SAMD4B: variants seen among roughly 807,000 people sequenced by gnomAD.
The protein encoded by SAMD4B is protein Smaug homolog 2.
In SAMD4B, 5 loss-of-function variants were observed where a neutral mutation model predicts 74.5. The observed-to-expected ratio is 0.07, with a 90% CI of 0.04 to 0.14. The LOEUF (loss-of-function observed/expected upper bound fraction) is 0.14. Ranked by LOEUF, SAMD4B falls within the 10% of genes least tolerant of loss-of-function variation. The probability of loss-of-function intolerance (pLI) is 1.00; values close to 1 mark genes in which losing one functional copy is unlikely to be tolerated. For missense variants in SAMD4B, 608 were observed against 921.8 expected (o/e 0.66, Z 4.41); for synonymous variants, 373 against 374.9 (o/e 1.00, Z 0.06).
intron 3 of SAMD4B, among the ~76,000 whole-genome samples, chr19:39,368,673 A>T (rs1412451281): frequency 1.3e-5 from 2 of 152,208 alleles, no homozygotes; most frequent in Non-Finnish European, 2.9e-5. Context: ...TATGGGATCG[A>T]TTGGAAGGGG....
rs540411036 is a variant in SAMD4B at position 39,353,688 on chromosome 19, A to G, written c.-266-318A>G. On this transcript the variant is annotated intron_variant, in intron 1 of 13. Coordinates refer to ENST00000610417, the MANE Select transcript of SAMD4B (RefSeq NM_001384574.2). ...ATAATCTCGGCTCACTGCAGCCTCC[A>G]CCTCCCGGGTTCAAGCGTTTCTCCT... is the stretch of plus-strand genomic sequence containing the variant. 1.3e-3 allele frequency among the ~76,000 whole-genome samples: 199 copies of G among 151,950 alleles called. 1 individual carries two copies. Among genetic ancestry groups the G allele is most frequent in the African/African-American group, 4.6e-3 (191 of 41,414 alleles).
downstream of SAMD4B, chr19:39,389,641 A>G: frequency 6.2e-7 from 1 of 1,614,106 alleles, no homozygotes; most frequent in Non-Finnish European, 8.5e-7. This position sits in a 1 kb window ranked among gnomAD's most constrained non-coding sequence, Gnocchi z 5.3. Context: ...CCCACACACC[A>G]TTGGGGTCGA....
intron 1 of SAMD4B, chr19:39,351,510 A>G (rs570112896): frequency 6.6e-6 from 1 of 152,302 alleles, no homozygotes; most frequent in Non-Finnish European, 1.5e-5. Context: ...TTGCATGGGA[A>G]TTGTCAAGGC....
chr19:39,352,702 C>T (rs1246310618), intron 1 of SAMD4B, among the ~76,000 whole-genome samples: 1 of 150,184 alleles, frequency 6.7e-6, no homozygotes, highest in Non-Finnish European at 1.5e-5. Flanking sequence ...TTGCTTCTAT[C>T]GTTTGGCCTG....
At chr19:39,344,670 C>G (rs1401831754) in intron 1 of SAMD4B, among the ~76,000 whole-genome samples, 1 of 152,128 alleles carries the variant, frequency 6.6e-6, no homozygotes, top group Non-Finnish European at 1.5e-5. Context: ...CTCAGGGGGC[C>G]CCCTTTTCCC....
Position 39,369,941 on chromosome 19 carries a change from G to A in SAMD4B, c.483G>A (p.Arg161=). ...GGTTGGCTAGTGGCTTCCGCTCCCG[G>A]CCAGAGCCCTCCTACCATTCACGTC... ...EERLASGFRS[R]PEPSYHSRQG... Residue 161 remains arginine, a synonymous_variant, in exon 4 of 14, where the codon CGG becomes CGA. Coordinates refer to ENST00000610417, the MANE Select transcript of SAMD4B (RefSeq NM_001384574.2). The A allele has an allele frequency of 6.2e-7, 1 of 1,613,856 alleles. No homozygotes were observed. Among genetic ancestry groups the A allele is most frequent in the Non-Finnish European group, 8.5e-7 (1 of 1,179,924 alleles).
At chr19:39,347,799 A>G (rs1338424965) in intron 1 of SAMD4B, among the ~76,000 whole-genome samples, 1 of 152,242 alleles carries the variant, frequency 6.6e-6, no homozygotes, top group East Asian at 1.9e-4. Context: ...TGTATGGAGT[A>G]TGCAAGTCTC....
At chr19:39,387,839 C>T (rs947283103), downstream of SAMD4B, among the ~76,000 whole-genome samples, 4 of 152,168 alleles carry the variant, frequency 2.6e-5, no homozygotes, top group Admixed American at 6.5e-5. Flanking sequence ...TAAATGTCTC[C>T]TGCATTAAGA....
At position 39,383,788 on chromosome 19, in the gene SAMD4B, G is replaced by C. The variant is rs1042067335; in HGVS notation, c.*261G>C. On this transcript the variant is annotated 3_prime_UTR_variant, in exon 14 of 14. Transcript: ENST00000610417. The surrounding 1 kb of genome is among the most constrained non-coding windows in gnomAD (Gnocchi z 4.1). ...GGGGCAGGGACTGGCCAGACTGCCTGCCTCTCTCCTTTCCTTCCTCATCCC... is the reference window on the plus strand; with the variant it reads ...GGGGCAGGGACTGGCCAGACTGCCTCCCTCTCTCCTTTCCTTCCTCATCCC... The C allele has an allele frequency of 7.3e-7, 1 of 1,377,326 alleles. No individual in the cohort carries two copies. Among genetic ancestry groups the C allele is most frequent in the African/African-American group, 1.4e-5 (1 of 69,478 alleles). 85.3% of individuals were successfully genotyped at this position (1,377,326 alleles called of 1,614,324 possible).
At chr19:39,388,180 C>T (rs144425875), downstream of SAMD4B, among the ~76,000 whole-genome samples, 42 of 152,262 alleles carry the variant, frequency 2.8e-4, no homozygotes, top group East Asian at 7.5e-3. Context: ...CTGTTAGAAC[C>T]AAGTCCAGCT....
intron 1 of SAMD4B, among the ~76,000 whole-genome samples, chr19:39,343,233 C>T (rs1019795705): frequency 1.3e-5 from 2 of 151,760 alleles, no homozygotes; most frequent in Non-Finnish European, 2.9e-5. Context: ...ACTTCCCCCT[C>T]CCGGATCCTA....
At chr19:39,376,638 T>C (rs2077614360) in intron 6 of SAMD4B, 67 bp from the exon 7 acceptor site, 2 of 1,589,742 alleles carry the variant, frequency 1.3e-6, no homozygotes, top group African/African-American at 1.3e-5. Context: ...TTGATCTCTA[T>C]TTGGGTACCC....
chr19:39,364,626 C>T lies in SAMD4B; in HGVS notation c.197-5029C>T, dbSNP rs574675996. ...AATCACTGTCTTTCTTCTTTCTCAT[C>T]AAGAACTGAAAACTACAGGACTAAG... On this transcript the variant is annotated intron_variant, in intron 3 of 13. Transcript: ENST00000610417. Among the ~76,000 whole-genome samples, 28 of 152,266 alleles carry T rather than the reference C, an allele frequency of 1.8e-4. No individual in the cohort carries two copies. In the South Asian group the frequency reaches 5.8e-3, roughly 32 times the overall value.
downstream of SAMD4B, chr19:39,386,195 G>T (rs754701850): frequency 6.2e-7 from 1 of 1,613,956 alleles, no homozygotes; most frequent in Admixed American, 1.7e-5. The surrounding 1 kb of genome is among the most constrained non-coding windows in gnomAD (Gnocchi z 6.1). Flanking sequence ...CATCAGAGTC[G>T]GCATCGTCCT....
chr19:39,353,764 G>C (rs562462518), intron 1 of SAMD4B, among the ~76,000 whole-genome samples: 5 of 152,104 alleles, frequency 3.3e-5, no homozygotes, highest in Non-Finnish European at 7.4e-5. Context: ...ACCACACCCG[G>C]CTAATTTTTA....
rs1436521261 is a variant in SAMD4B at position 39,384,110 on chromosome 19, G to T, written c.*583G>T. The T allele has an allele frequency of 7.5e-6, 2 of 265,392 alleles. No individual in the cohort carries two copies. Among genetic ancestry groups the T allele is most frequent in the Non-Finnish European group, 1.4e-5 (2 of 139,054 alleles). The allele number at this position is 265,392 out of a possible 1,614,324, so 16.4% of individuals were successfully genotyped here. On this transcript the variant is annotated 3_prime_UTR_variant, in exon 14 of 14. Transcript: ENST00000610417. The stretch of plus-strand genomic sequence containing the variant: ...CACCTTCCTCTCTCTCACCTCCCCT[G>T]GCCCTGTTCACCAGAGGTTCTCTAT...
chr19:39,352,891 C>T (rs1354390400), intron 1 of SAMD4B, among the ~76,000 whole-genome samples: 1 of 152,090 alleles, frequency 6.6e-6, no homozygotes, highest in African/African-American at 2.4e-5. Context: ...GTTGGTATAT[C>T]AAACCTCCTG....
Position 39,357,065 on chromosome 19 carries a change from C to A in SAMD4B, c.172C>A (p.Leu58Met). The change falls in exon 3 of 14, where the codon CTG (leucine) becomes ATG (methionine). Residue 58 changes from leucine (L) to methionine (M), a missense_variant. Physicochemically the swap from Leu to Met is conservative, Grantham distance 15. This residue lies in a region of SAMD4B where 74 missense variants were observed against 182.0 expected (regional missense o/e 0.41). Transcript: ENST00000610417. ...GGCGGACTGCAATGACATCCACCTG[C>A]TGGAGTCGGAGGCCAACAGTGCTGG... ...SLADCNDIHLLESEANSAAIV... is the reference protein window; with the variant it reads ...SLADCNDIHLMESEANSAAIV... 1.2e-6 allele frequency: 2 copies of A among 1,611,518 alleles called. No homozygotes were observed. Among genetic ancestry groups the A allele is most frequent in the African/African-American group, 2.7e-5 (2 of 75,008 alleles).
intron 3 of SAMD4B, 28 bp from the exon 4 acceptor site, chr19:39,369,627 C>G: frequency 6.3e-7 from 1 of 1,597,570 alleles, no homozygotes; most frequent in Non-Finnish European, 8.6e-7. Context: ...CCTGGCTCTC[C>G]TGATATTTCT....
Sources: allele counts gnomAD v4.1 joint callset (sites outside exome capture counted in the v4.1 genomes callset), GRCh38; gene constraint gnomAD v4.1.1; regional missense constraint gnomAD v4.1.1; non-coding constraint Gnocchi (gnomAD v3.1); transcripts MANE v1.5; gene names NCBI Gene and HGNC (gene_info 2026-07-23, HGNC 2026-07-21).